PLD5: variants seen among roughly 807,000 people sequenced by gnomAD.
PLD5 encodes inactive phospholipase D5.
PLD5 carries 36 observed loss-of-function variants against 61.1 expected under a neutral mutation model. That is an observed-to-expected ratio of 0.59 (90% CI 0.45 to 0.78). PLD5 has a LOEUF of 0.78. Among genes scored for constraint, PLD5 ranks in the 30% least tolerant of loss-of-function variants. PLD5 has a pLI of 0.00. For missense variants in PLD5, 515 were observed against 644.4 expected (o/e 0.80, Z 2.17); for synonymous variants, 243 against 242.8 (o/e 1.00, Z -0.01).
chr1:242,281,808 C>T (rs2841910), intron 3 of PLD5, among the ~76,000 whole-genome samples: 3 of 152,058 alleles, frequency 2.0e-5, no homozygotes, highest in Admixed American at 6.5e-5. Context: ...TGCTTCTCAA[C>T]GGGTGTGTCA....
At chr1:242,156,511 A>T (rs1274916377) in intron 5 of PLD5, among the ~76,000 whole-genome samples, 1 of 152,086 alleles carries the variant, frequency 6.6e-6, no homozygotes, top group Non-Finnish European at 1.5e-5. Flanking sequence ...TTCCTTGTTT[A>T]GTGCTTCTTG....
chr1:242,330,701 A>G (rs1659115591), intron 2 of PLD5, among the ~76,000 whole-genome samples: 1 of 152,172 alleles, frequency 6.6e-6, no homozygotes, highest in African/African-American at 2.4e-5. Flanking sequence ...ACATTGACAG[A>G]CGTTTAAAAA....
chr1:242,196,243 T>TG (rs1668629071), intron 5 of PLD5, among the ~76,000 whole-genome samples: 1 of 152,212 alleles, frequency 6.6e-6, no homozygotes, highest in Non-Finnish European at 1.5e-5. Flanking sequence ...GTAGTGTCTG[T>TG]GTTTACACAT....
intron 1 of PLD5, among the ~76,000 whole-genome samples, chr1:242,451,281 C>T (rs1158338132): frequency 2.0e-5 from 3 of 152,226 alleles, no homozygotes; most frequent in African/African-American, 7.2e-5. Flanking sequence ...CCCTGACATC[C>T]TCAACTTACA....
Position 242,524,545 on chromosome 1 carries a change from G to T in PLD5, c.-269C>A. 1 of 184,170 alleles carries T rather than the reference G, an allele frequency of 5.4e-6. No individual in the cohort carries two copies. Among genetic ancestry groups the T allele is most frequent in the Non-Finnish European group, 1.1e-5 (1 of 94,708 alleles). The allele number at this position is 184,170 out of a possible 1,614,324, so 11.4% of individuals were successfully genotyped here. A position where few individuals can be genotyped will look rare whatever the true frequency, so the allele number is the denominator to read the frequency against. ...GGGCGGGGGCGGGGGCGGGGGCGGA[G>T]GGGGACGGACGGGGAGAAGGGGGAC... is the stretch of plus-strand genomic sequence containing the variant. On this transcript the variant is annotated 5_prime_UTR_variant, in exon 1 of 10. Coordinates refer to ENST00000536534, the MANE Select transcript of PLD5 (RefSeq NM_001372062.1).
At chr1:242,508,250 G>A (rs901327038) in intron 1 of PLD5, among the ~76,000 whole-genome samples, 1 of 151,998 alleles carries the variant, frequency 6.6e-6, no homozygotes, top group Non-Finnish European at 1.5e-5. Flanking sequence ...GTGGGCACCT[G>A]TAATCCCAGC....
At chr1:242,399,026 G>A (rs1663767533) in intron 1 of PLD5, among the ~76,000 whole-genome samples, 1 of 152,194 alleles carries the variant, frequency 6.6e-6, no homozygotes, top group African/African-American at 2.4e-5. Flanking sequence ...GGCCACATGA[G>A]TTGAACAAGA....
chr1:242,299,440 T>G (rs760423858), intron 2 of PLD5, among the ~76,000 whole-genome samples: 47 of 152,352 alleles, frequency 3.1e-4, no homozygotes, highest in Middle Eastern at 6.8e-3. Flanking sequence ...GATAAGAAAC[T>G]GAGACACAAG....
chr1:242,251,631 C>T (rs192300800), intron 4 of PLD5, among the ~76,000 whole-genome samples: 59 of 152,062 alleles, frequency 3.9e-4, no homozygotes, highest in Middle Eastern at 3.4e-3. Context: ...GAGAAAAGGG[C>T]AGGCATTGGG....
chr1:242,327,153 C>T lies in PLD5; in HGVS notation c.326+20953G>A, dbSNP rs1658846161. Among the ~76,000 whole-genome samples the T allele has an allele frequency of 3.3e-5, 5 of 151,584 alleles. No homozygotes were observed. The South Asian group carries it at 1.1e-3, about 32-fold the overall frequency. Reference sequence around the variant, plus strand: ...GTGCTGGGATTACAAGCGTGAGCCACCACGCCTGGCGCTAATTTTTTTTTT... The same window carrying T: ...GTGCTGGGATTACAAGCGTGAGCCATCACGCCTGGCGCTAATTTTTTTTTT... On this transcript the variant is annotated intron_variant, in intron 2 of 9. Transcript: ENST00000536534.
chr1:242,310,811 T>C (rs966054887), intron 2 of PLD5, among the ~76,000 whole-genome samples: 1 of 152,134 alleles, frequency 6.6e-6, no homozygotes, highest in Non-Finnish European at 1.5e-5. Flanking sequence ...CCTAGTTAAA[T>C]AGGGAAGAAA....
intron 4 of PLD5, among the ~76,000 whole-genome samples, chr1:242,228,863 T>C (rs927406679): frequency 6.6e-6 from 1 of 152,218 alleles, no homozygotes; most frequent in Admixed American, 6.5e-5. Flanking sequence ...ACCAGTTTCA[T>C]GACTTTCTGT....
chr1:242,272,357 G>A (rs1219263046), intron 3 of PLD5, among the ~76,000 whole-genome samples: 7 of 152,002 alleles, frequency 4.6e-5, no homozygotes. Flanking sequence ...GAAAACAAAT[G>A]AGACTATATA....
At chr1:242,149,165 C>A (rs1430206524) in intron 5 of PLD5, among the ~76,000 whole-genome samples, 1 of 151,708 alleles carries the variant, frequency 6.6e-6, no homozygotes, top group South Asian at 2.1e-4. Context: ...ATCAGGTCAA[C>A]AAAGATTCCT....
At chr1:242,359,813 T>C (rs1660969734) in intron 1 of PLD5, among the ~76,000 whole-genome samples, 1 of 152,200 alleles carries the variant, frequency 6.6e-6, no homozygotes, top group Non-Finnish European at 1.5e-5. Flanking sequence ...ACATAGAAGA[T>C]AGATAGCAGT....
intron 4 of PLD5, among the ~76,000 whole-genome samples, chr1:242,247,573 A>G (rs1191712815): frequency 2.6e-5 from 4 of 152,104 alleles, no homozygotes; most frequent in Non-Finnish European, 4.4e-5. Context: ...TATGATCTCT[A>G]TTTTAACCTT....
intron 5 of PLD5, 47 bp downstream of exon 5, chr1:242,219,941 C>T: frequency 6.3e-7 from 1 of 1,590,052 alleles, no homozygotes; most frequent in Non-Finnish European, 8.6e-7. Flanking sequence ...AAGGTGGTCG[C>T]TTTGAGGGTG....
At chr1:242,300,296 T>C (rs1434622406) in intron 2 of PLD5, among the ~76,000 whole-genome samples, 2 of 151,828 alleles carry the variant, frequency 1.3e-5, no homozygotes, top group Non-Finnish European at 2.9e-5. Flanking sequence ...AAAAAAAAAT[T>C]AGCTGGGCAT....
At chr1:242,107,374 T>C (rs975454845) in intron 8 of PLD5, among the ~76,000 whole-genome samples, 2 of 151,918 alleles carry the variant, frequency 1.3e-5, no homozygotes, top group African/African-American at 4.8e-5. Flanking sequence ...ATTGTGCTAC[T>C]GCACTCCAGC....
Sources: gnomAD v4.1 joint callset for allele counts (sites outside exome capture counted in the v4.1 genomes callset) on GRCh38, gnomAD v4.1.1 for gene constraint, MANE v1.5 for transcripts, NCBI Gene and HGNC (gene_info 2026-07-23, HGNC 2026-07-21) for gene names.